ASIC2: variants seen among roughly 807,000 people sequenced by gnomAD.
ASIC2 encodes acid-sensing ion channel 2.
Under a neutral mutation model 57.3 loss-of-function variants are expected in ASIC2, and 25 were observed. The observed-to-expected ratio is 0.44, with a 90% CI of 0.32 to 0.61. The LOEUF is 0.61. ASIC2 is among the 20% of genes least tolerant of loss of function. The pLI is 0.06. For synonymous variants in ASIC2, 319 were observed against 307.5 expected (o/e 1.04, Z -0.39); for missense variants, 641 against 738.1 (o/e 0.87, Z 1.52).
chr17:33,948,507 C>T (rs1207458588), intron 1 of ASIC2, among the ~76,000 whole-genome samples: 1 of 152,204 alleles, frequency 6.6e-6, no homozygotes, highest in Non-Finnish European at 1.5e-5. Flanking sequence ...GGGATGCCCA[C>T]TCCCGCCAGG....
intron 1 of ASIC2, among the ~76,000 whole-genome samples, chr17:33,211,322 A>G (rs938505175): frequency 6.6e-6 from 1 of 152,038 alleles, no homozygotes; most frequent in Non-Finnish European, 1.5e-5. Context: ...TGGTGATATC[A>G]TGTTGATGGC....
chr17:33,991,157 G>T (rs942851032), intron 1 of ASIC2, among the ~76,000 whole-genome samples: 14 of 152,210 alleles, frequency 9.2e-5, no homozygotes, highest in Non-Finnish European at 2.1e-4. Flanking sequence ...GTGTTGACAT[G>T]TGAGAAGAAA....
At chr17:34,116,408 G>T (rs1369003886) in intron 1 of ASIC2, among the ~76,000 whole-genome samples, 2 of 152,134 alleles carry the variant, frequency 1.3e-5, no homozygotes, top group African/African-American at 4.8e-5. Flanking sequence ...TCTCCCATGT[G>T]AGTCTCCATC....
chr17:33,063,058 C>T (rs562311488), intron 3 of ASIC2, among the ~76,000 whole-genome samples: 48 of 152,262 alleles, frequency 3.2e-4, no homozygotes, highest in African/African-American at 1.1e-3. Context: ...ATATGTGTCC[C>T]TCACGTGAGA....
Position 33,080,082 on chromosome 17 carries a change from C to T in ASIC2, c.987+8781G>A, listed in dbSNP as rs537536272. Among the ~76,000 whole-genome samples, 29 of 152,086 alleles carry T rather than the reference C, an allele frequency of 1.9e-4. No individual in the cohort carries two copies. In the South Asian group the frequency reaches 5.8e-3, roughly 31 times the overall value. On this transcript the variant is annotated intron_variant, in intron 3 of 9. Transcript: ENST00000225823. The stretch of plus-strand genomic sequence containing the variant: ...AGGAAAGAGGTCCAGGCTGGGGTGG[C>T]AGTCTGGGAATTATGGGAAAGGATG...
At chr17:33,771,654 C>T (rs1911117189) in intron 1 of ASIC2, among the ~76,000 whole-genome samples, 1 of 152,136 alleles carries the variant, frequency 6.6e-6, no homozygotes, top group Admixed American at 6.5e-5. Flanking sequence ...ACTGCAAAAC[C>T]CAGCAAAAGT....
intron 1 of ASIC2, among the ~76,000 whole-genome samples, chr17:33,454,161 C>T (rs1322334760): frequency 6.6e-6 from 1 of 152,182 alleles, no homozygotes; most frequent in Non-Finnish European, 1.5e-5. Flanking sequence ...TACTTGTCCC[C>T]AGCCTCTGTA....
At chr17:33,589,503 G>A (rs768664390) in intron 1 of ASIC2, among the ~76,000 whole-genome samples, 15 of 151,976 alleles carry the variant, frequency 9.9e-5, no homozygotes, top group Non-Finnish European at 1.3e-4. Context: ...CCCTGTGCCC[G>A]TGCAGCAAAC....
At chr17:33,973,856 G>C (rs1905291434) in intron 1 of ASIC2, among the ~76,000 whole-genome samples, 1 of 152,152 alleles carries the variant, frequency 6.6e-6, no homozygotes, top group African/African-American at 2.4e-5. Flanking sequence ...AACAGGGCCT[G>C]CTTGGTTGCC....
intron 3 of ASIC2, among the ~76,000 whole-genome samples, chr17:33,051,110 A>C (rs1192903194): frequency 6.6e-6 from 1 of 152,060 alleles, no homozygotes; most frequent in Non-Finnish European, 1.5e-5. Context: ...CCCTGGATAG[A>C]CCTTCTTTTC....
At chr17:33,366,009 G>A (rs145506946) in intron 1 of ASIC2, among the ~76,000 whole-genome samples, 4 of 152,274 alleles carry the variant, frequency 2.6e-5, no homozygotes, top group Admixed American at 2.0e-4. Flanking sequence ...GCCAGATGGT[G>A]CCTGGGGTCA....
chr17:34,075,187 G>A (rs1006742745), intron 1 of ASIC2, among the ~76,000 whole-genome samples: 12 of 152,204 alleles, frequency 7.9e-5, no homozygotes, highest in Non-Finnish European at 1.8e-4. Context: ...TAGGCTCGGT[G>A]AGCCTAAATG....
chr17:33,600,840 G>T (rs546563223), intron 1 of ASIC2, among the ~76,000 whole-genome samples: 15 of 152,256 alleles, frequency 9.9e-5, no homozygotes, highest in Admixed American at 8.5e-4. Context: ...GGGTGGTAAA[G>T]GCCATTCTGA....
At position 33,291,679 on chromosome 17, in the gene ASIC2, A is replaced by T. The variant is rs754720958; in HGVS notation, c.437T>A (p.Leu146His). ...CNNNPLRFPRLSKGDLYYAGH... is the reference protein window; with the variant it reads ...CNNNPLRFPRHSKGDLYYAGH... ...GGCATAGTAGAGGTCCCCCTTGGAG[A>T]GGCGCGGGAAGCGCAGCGGGTTGTT... The change falls in exon 1 of 10, where the codon CTC becomes CAC. Residue 146 changes from leucine (L) to histidine (H), a missense_variant. By Grantham distance (99) the Leu-to-His change is moderately conservative. Transcript: ENST00000225823. 1.2e-6 allele frequency: 2 copies of T among 1,613,326 alleles called. No individual in the cohort carries two copies. Among genetic ancestry groups the T allele is most frequent in the Admixed American group, 3.3e-5 (2 of 60,012 alleles).
At chr17:33,360,708 T>C (rs1016320795) in intron 1 of ASIC2, among the ~76,000 whole-genome samples, 3 of 152,244 alleles carry the variant, frequency 2.0e-5, no homozygotes, top group African/African-American at 7.2e-5. Flanking sequence ...CACTGGCTCA[T>C]TGGTTGGGCC....
intron 1 of ASIC2, among the ~76,000 whole-genome samples, chr17:33,403,302 A>C (rs925877709): frequency 1.8e-5 from 2 of 112,092 alleles, no homozygotes; most frequent in Non-Finnish European, 4.1e-5. Flanking sequence ...AGAGGTGGGC[A>C]CACAGCTTCT....
In ASIC2 at chr17:33,466,242, G is replaced by A. The variant is rs1049661897; in HGVS notation, c.556-354175C>T. ...CATGAGTGAACTCCCATTCGCAATT[G>A]CTACAAAGGAAATAAAATACCTAGG... is the stretch of plus-strand genomic sequence containing the variant. On this transcript the variant is annotated intron_variant, in intron 1 of 9. Coordinates refer to the ASIC2 transcript ENST00000359872. Among the ~76,000 whole-genome samples, 6 of 152,224 alleles carry A rather than the reference G, an allele frequency of 3.9e-5. No homozygotes were observed. The South Asian group carries it at 1.2e-3, about 32-fold the overall frequency.
At chr17:33,629,877 T>C (rs577774542) in intron 1 of ASIC2, among the ~76,000 whole-genome samples, 21 of 152,096 alleles carry the variant, frequency 1.4e-4, no homozygotes, top group Non-Finnish European at 2.5e-4. Context: ...CCAATGGAAA[T>C]CCCTAAAGAG....
In ASIC2 at chr17:33,261,566, C is replaced by T. The variant is rs899075702; in HGVS notation, c.708+29842G>A. Among the ~76,000 whole-genome samples, 4 of 152,158 alleles carry T rather than the reference C, an allele frequency of 2.6e-5. No homozygotes were observed. The East Asian group carries it at 7.7e-4, about 29-fold the overall frequency. On this transcript the variant is annotated intron_variant, in intron 1 of 9. Coordinates refer to ENST00000225823, the MANE Select transcript of ASIC2 (RefSeq NM_183377.2). The stretch of plus-strand genomic sequence containing the variant: ...CATGTGAGAAGGGGAGACAGTCACA[C>T]AACCAGTTCTTTGCAGTAATCATAA...
Sources: allele counts gnomAD v4.1 joint callset (sites outside exome capture counted in the v4.1 genomes callset), GRCh38; gene constraint gnomAD v4.1.1; transcripts MANE v1.5; gene names NCBI Gene and HGNC (gene_info 2026-07-23, HGNC 2026-07-21).